CALN1: variants seen among roughly 807,000 people sequenced by gnomAD.
CALN1 encodes the protein calneuron 1, also known as calcium-binding protein 8.
CALN1 carries 17 observed loss-of-function variants against 30.6 expected under a neutral mutation model. That is an observed-to-expected ratio of 0.56 (90% confidence interval 0.38 to 0.83). The LOEUF (loss-of-function observed/expected upper bound fraction) is 0.83. Among genes scored for constraint, CALN1 ranks in the 40% least tolerant of loss-of-function variants. The pLI is 0.00. For missense variants in CALN1, 291 were observed against 354.9 expected (o/e 0.82, Z 1.45); for synonymous variants, 156 against 131.4 (o/e 1.19, Z -1.28).
chr7:71,971,068 T>C (rs1434952285), intron 5 of CALN1, among the ~76,000 whole-genome samples: 1 of 152,096 alleles, frequency 6.6e-6, no homozygotes, highest in Non-Finnish European at 1.5e-5. Context: ...TGACTGAGAA[T>C]TACAGGCACA....
At chr7:72,172,050 T>C (rs2129545498) in intron 3 of CALN1, among the ~76,000 whole-genome samples, 1 of 152,350 alleles carries the variant, frequency 6.6e-6, no homozygotes, top group African/African-American at 2.4e-5. Flanking sequence ...TTTGCAATTA[T>C]CTGTCTTTGC....
intron 4 of CALN1, among the ~76,000 whole-genome samples, chr7:72,072,782 T>C (rs754640654): frequency 1.9e-4 from 29 of 152,202 alleles, no homozygotes; most frequent in Non-Finnish European, 3.2e-4. Context: ...GATGAAGTTA[T>C]AAAGCAGCAT....
chr7:72,276,411 C>G (rs916327028), intron 3 of CALN1, among the ~76,000 whole-genome samples: 1 of 152,208 alleles, frequency 6.6e-6, no homozygotes, highest in African/African-American at 2.4e-5. Flanking sequence ...GAAACCTAAC[C>G]ACCAACGTGA....
At chr7:71,922,446 T>C (rs1305348603) in intron 5 of CALN1, among the ~76,000 whole-genome samples, 1 of 146,702 alleles carries the variant, frequency 6.8e-6, no homozygotes, top group Non-Finnish European at 1.5e-5. Context: ...TATATAATTA[T>C]ATTTATTTAT....
chr7:71,939,436 G>A (rs1228160620), intron 5 of CALN1, among the ~76,000 whole-genome samples: 1 of 151,050 alleles, frequency 6.6e-6, no homozygotes, highest in Non-Finnish European at 1.5e-5. Context: ...GGCCAGGCAT[G>A]GTGGCGGGCA....
At chr7:72,137,537 T>TA (rs940798821) in intron 3 of CALN1, among the ~76,000 whole-genome samples, 3 of 152,214 alleles carry the variant, frequency 2.0e-5, no homozygotes, top group South Asian at 2.1e-4. Context: ...CTTTAATTTG[T>TA]AAAAAACAAA....
chr7:72,006,782 A>T (rs1217381758), intron 5 of CALN1, among the ~76,000 whole-genome samples: 2 of 152,170 alleles, frequency 1.3e-5, no homozygotes, highest in Non-Finnish European at 2.9e-5. Flanking sequence ...CTGTAATTCA[A>T]ATATAAAGCT....
intron 3 of CALN1, among the ~76,000 whole-genome samples, chr7:72,234,120 G>A (rs1470048621): frequency 1.3e-5 from 2 of 152,216 alleles, no homozygotes; most frequent in African/African-American, 4.8e-5. Context: ...CAGTAAGGTT[G>A]AGAAGAGTTT....
intron 3 of CALN1, among the ~76,000 whole-genome samples, chr7:72,218,345 A>C (rs375747676): frequency 7.9e-5 from 12 of 151,968 alleles, no homozygotes; most frequent in African/African-American, 2.9e-4. Flanking sequence ...CTACTCAGGA[A>C]GCTAAGGCAG....
chr7:72,187,610 G>A (rs76641009), intron 3 of CALN1, among the ~76,000 whole-genome samples: 5,046 of 152,128 alleles, frequency 0.033, 270 homozygotes, highest in African/African-American at 0.11. Flanking sequence ...AACCATCCCC[G>A]CCTCAAGTCC....
At chr7:72,372,751 C>A (rs1050041397) in intron 2 of CALN1, among the ~76,000 whole-genome samples, 2 of 152,124 alleles carry the variant, frequency 1.3e-5, no homozygotes, top group Non-Finnish European at 2.9e-5. Flanking sequence ...CTGGATCCAA[C>A]CAGACTGATC....
chr7:71,900,182 T>C (rs1449380916), intron 5 of CALN1, among the ~76,000 whole-genome samples: 2 of 152,082 alleles, frequency 1.3e-5, no homozygotes, highest in Non-Finnish European at 2.9e-5. Flanking sequence ...TATAGATCAA[T>C]AAGAAAAGCA....
chr7:72,469,770 C>T, the CALN1 span, among the ~76,000 whole-genome samples: 10 of 152,146 alleles, frequency 6.6e-5, no homozygotes, highest in African/African-American at 1.9e-4. Flanking sequence ...CACACTGTTT[C>T]GATTAGTATA....
intron 5 of CALN1, among the ~76,000 whole-genome samples, chr7:71,972,465 T>C (rs1338231943): frequency 6.6e-6 from 1 of 152,214 alleles, no homozygotes; most frequent in African/African-American, 2.4e-5. Context: ...TTCTCTTTTA[T>C]GTTCATCTGC....
chr7:71,838,743 A>G (rs7804470), intron 5 of CALN1, among the ~76,000 whole-genome samples: 78,030 of 151,898 alleles, frequency 0.51, 20,892 homozygotes, highest in African/African-American at 0.67. Flanking sequence ...AGTTCTCAGG[A>G]CATCTGATGG....
At chr7:72,121,583 C>T (rs1032972889) in intron 3 of CALN1, among the ~76,000 whole-genome samples, 2 of 148,658 alleles carry the variant, frequency 1.3e-5, no homozygotes, top group African/African-American at 4.9e-5. Flanking sequence ...AGAGGAAATA[C>T]AATATGATTT....
chr7:72,225,608 G>A (rs13247007), intron 3 of CALN1, among the ~76,000 whole-genome samples: 14,360 of 151,992 alleles, frequency 0.094, 1,293 homozygotes, highest in East Asian at 0.43. Flanking sequence ...ATTTTAAAGC[G>A]AAGCCCTCGG....
At chr7:71,837,597 G>A (rs184003908) in intron 5 of CALN1, among the ~76,000 whole-genome samples, 11 of 152,190 alleles carry the variant, frequency 7.2e-5, no homozygotes, top group Admixed American at 5.9e-4. Context: ...TCAGTTATGC[G>A]AGAGCTCAAA....
At chr7:72,501,497 A>AG in the CALN1 span, among the ~76,000 whole-genome samples, 1 of 139,966 alleles carries the variant, frequency 7.1e-6, no homozygotes, top group East Asian at 2.4e-4. Flanking sequence ...GAAGGAAGGA[A>AG]GGATGGAAGG....
Sources: allele counts gnomAD v4.1 joint callset (sites outside exome capture counted in the v4.1 genomes callset), GRCh38; gene constraint gnomAD v4.1.1; transcripts MANE v1.5; gene names NCBI Gene and HGNC (gene_info 2026-07-23, HGNC 2026-07-21).